The following CALN1 variants were observed in gnomAD, a reference collection of about 807,000 sequenced individuals.
The protein encoded by CALN1 is calneuron 1, also known as calcium-binding protein 8.
Under a neutral mutation model 30.6 loss-of-function variants are expected in CALN1, and 17 were observed. The observed-to-expected ratio is 0.56, with a 90% CI of 0.38 to 0.83. The LOEUF (loss-of-function observed/expected upper bound fraction) is 0.83. Ranked by LOEUF, CALN1 falls within the 40% of genes least tolerant of loss-of-function variation. CALN1 has a pLI of 0.00. For synonymous variants in CALN1, 156 were observed against 131.4 expected (o/e 1.19, Z -1.28); for missense variants, 291 against 354.9 (o/e 0.82, Z 1.45).
intron 3 of CALN1, among the ~76,000 whole-genome samples, chr7:72,192,963 G>C (rs1288850642): frequency 1.3e-5 from 2 of 151,820 alleles, no homozygotes; most frequent in Non-Finnish European, 2.9e-5. Context: ...TGAAACAGGC[G>C]GATCACTTGA....
chr7:72,409,342 T>C (rs975763282), intron 1 of CALN1, among the ~76,000 whole-genome samples: 1 of 151,590 alleles, frequency 6.6e-6, no homozygotes, highest in African/African-American at 2.4e-5. Flanking sequence ...TGCACCAGAT[T>C]GGTTGCTGAA....
intron 3 of CALN1, among the ~76,000 whole-genome samples, chr7:72,178,678 G>C (rs1310962520): frequency 6.8e-6 from 1 of 146,608 alleles, no homozygotes; most frequent in Admixed American, 6.9e-5. Context: ...GACAGAGAGA[G>C]ACTCCATGTC....
chr7:72,096,974 C>T (rs1238115232), intron 4 of CALN1, among the ~76,000 whole-genome samples: 1 of 152,138 alleles, frequency 6.6e-6, no homozygotes, highest in Non-Finnish European at 1.5e-5. Context: ...GAATACTATG[C>T]AGCCATAAAA....
At chr7:72,376,861 A>T (rs966098198) in intron 2 of CALN1, among the ~76,000 whole-genome samples, 3 of 152,196 alleles carry the variant, frequency 2.0e-5, no homozygotes, top group Middle Eastern at 3.2e-3. Flanking sequence ...TAATTTTTGT[A>T]TATGTTATGA....
chr7:72,159,145 C>G (rs1787925206), intron 3 of CALN1, among the ~76,000 whole-genome samples: 1 of 152,120 alleles, frequency 6.6e-6, no homozygotes, highest in African/African-American at 2.4e-5. Flanking sequence ...AGCCACTGAG[C>G]CTGGCTGTTA....
At chr7:72,069,103 C>T (rs1486805751) in intron 4 of CALN1, among the ~76,000 whole-genome samples, 2 of 152,170 alleles carry the variant, frequency 1.3e-5, no homozygotes, top group African/African-American at 4.8e-5. Context: ...GAGCAGATGC[C>T]AGTGCACACA....
chr7:72,127,775 T>C (rs561233668), intron 3 of CALN1, among the ~76,000 whole-genome samples: 2 of 152,216 alleles, frequency 1.3e-5, no homozygotes, highest in African/African-American at 4.8e-5. Context: ...TGTAAATTGG[T>C]ACAATTGAAC....
At chr7:72,062,722 C>T (rs1803752135) in intron 4 of CALN1, among the ~76,000 whole-genome samples, 1 of 151,924 alleles carries the variant, frequency 6.6e-6, no homozygotes, top group East Asian at 1.9e-4. Flanking sequence ...AAACCTTTAA[C>T]TAGAATGACA....
At chr7:71,866,514 A>T (rs1475435665) in intron 5 of CALN1, among the ~76,000 whole-genome samples, 2 of 152,160 alleles carry the variant, frequency 1.3e-5, no homozygotes, top group African/African-American at 2.4e-5. Flanking sequence ...TTGGTAAAAA[A>T]CATATAGATC....
chr7:72,387,568 A>T (rs1294089816), intron 2 of CALN1, among the ~76,000 whole-genome samples: 3 of 152,046 alleles, frequency 2.0e-5, no homozygotes, highest in African/African-American at 7.2e-5. Context: ...ATGTGATGAA[A>T]ATGGCCCTTC....
chr7:72,137,025 C>T (rs1024999186), intron 3 of CALN1, among the ~76,000 whole-genome samples: 1 of 152,150 alleles, frequency 6.6e-6, no homozygotes, highest in Non-Finnish European at 1.5e-5. Context: ...TTAGAGAAAA[C>T]AAACCTGAGA....
intron 5 of CALN1, among the ~76,000 whole-genome samples, chr7:71,938,021 G>A (rs566199864): frequency 6.6e-5 from 10 of 152,280 alleles, no homozygotes; most frequent in East Asian, 3.9e-4. Flanking sequence ...AAAGACTGAC[G>A]TTTTACGCAA....
At chr7:72,274,246 G>C (rs138999747) in intron 3 of CALN1, among the ~76,000 whole-genome samples, 1 of 152,124 alleles carries the variant, frequency 6.6e-6, no homozygotes, top group Admixed American at 6.5e-5. Context: ...AGGGTCTCAC[G>C]ACTGTAATTC....
In CALN1 at chr7:72,101,446, T is replaced by C. The variant is rs1380787474; in HGVS notation, c.388+4705A>G. Among the ~76,000 whole-genome samples the C allele has an allele frequency of 2.6e-5, 4 of 152,216 alleles. No homozygotes were observed. The South Asian group carries it at 8.3e-4, about 32-fold the overall frequency. On this transcript the variant is annotated intron_variant, in intron 4 of 6. Transcript: ENST00000395275. ...GTGCTTTGCTCCAGCTTTTCAGAAA[T>C]ATCTCTAAAATATAAAGCAACGTCA... is the stretch of plus-strand genomic sequence containing the variant.
chr7:71,994,577 A>G (rs1247447360), intron 5 of CALN1, among the ~76,000 whole-genome samples: 5 of 151,910 alleles, frequency 3.3e-5, no homozygotes, highest in Non-Finnish European at 7.4e-5. Flanking sequence ...CTGGAGTAAT[A>G]CATGAGATTC....
chr7:72,390,591 A>T (rs1354392374), intron 2 of CALN1, among the ~76,000 whole-genome samples: 1 of 152,206 alleles, frequency 6.6e-6, no homozygotes, highest in Non-Finnish European at 1.5e-5. Context: ...CCTATAAATG[A>T]AATCTAGCAT....
chr7:71,933,154 C>G (rs1228178387), intron 5 of CALN1, among the ~76,000 whole-genome samples: 1 of 152,058 alleles, frequency 6.6e-6, no homozygotes, highest in Non-Finnish European at 1.5e-5. Context: ...TAGGCATGTC[C>G]AAAATGGTGG....
chr7:72,411,324 TA>T (rs906958302), intron 1 of CALN1, among the ~76,000 whole-genome samples: 20 of 152,218 alleles, frequency 1.3e-4, no homozygotes, highest in African/African-American at 4.6e-4. Flanking sequence ...ACGTGAGACC[TA>T]AGTCTCAGGA....
intron 2 of CALN1, among the ~76,000 whole-genome samples, chr7:72,391,039 C>T (rs1474898337): frequency 6.6e-6 from 1 of 152,112 alleles, no homozygotes; most frequent in African/African-American, 2.4e-5. Context: ...TGAAATTCTC[C>T]AGTTACTCCC....
Sources: gnomAD v4.1 joint callset for allele counts (sites outside exome capture counted in the v4.1 genomes callset) on GRCh38, gnomAD v4.1.1 for gene constraint, MANE v1.5 for transcripts, NCBI Gene and HGNC (gene_info 2026-07-23, HGNC 2026-07-21) for gene names.